RPS6KA5: variants seen among roughly 807,000 people sequenced by gnomAD.
RPS6KA5 encodes ribosomal protein S6 kinase A5.
In RPS6KA5, 27 loss-of-function variants were observed where a neutral mutation model predicts 85.5. The observed-to-expected ratio is 0.32, with a 90% CI of 0.23 to 0.44. The LOEUF is 0.44. RPS6KA5 is among the 20% of genes least tolerant of loss of function. RPS6KA5 has a pLI of 1.00. For synonymous variants in RPS6KA5, 334 were observed against 348.2 expected (o/e 0.96, Z 0.46); for missense variants, 811 against 980.9 (o/e 0.83, Z 2.31).
At chr14:90,880,378 G>T (rs1942751998) in intron 14 of RPS6KA5, among the ~76,000 whole-genome samples, 1 of 152,072 alleles carries the variant, frequency 6.6e-6, no homozygotes, top group Admixed American at 6.6e-5. Flanking sequence ...TACACTATTT[G>T]TCTTTTTGTA....
At chr14:90,977,869 A>G (rs891724241) in intron 3 of RPS6KA5, among the ~76,000 whole-genome samples, 2 of 152,208 alleles carry the variant, frequency 1.3e-5, no homozygotes, top group Admixed American at 6.5e-5. Flanking sequence ...AGGCTGGCCA[A>G]TATGGCAAAA....
intron 3 of RPS6KA5, among the ~76,000 whole-genome samples, chr14:90,976,830 G>C (rs938664056): frequency 1.1e-4 from 17 of 152,112 alleles, no homozygotes; most frequent in Non-Finnish European, 2.4e-4. Flanking sequence ...TGAGCATGAA[G>C]TGTAACATCA....
At chr14:90,934,708 G>T (rs1413772488) in intron 5 of RPS6KA5, among the ~76,000 whole-genome samples, 1 of 151,984 alleles carries the variant, frequency 6.6e-6, no homozygotes, top group Non-Finnish European at 1.5e-5. Context: ...AAAAATTTCT[G>T]CCATAAGAAT....
intron 12 of RPS6KA5, 101 bp from the exon 13 acceptor site, chr14:90,894,684 A>C (rs1566704641): frequency 7.6e-7 from 1 of 1,310,006 alleles, no homozygotes; most frequent in Non-Finnish European, 1.0e-6. Flanking sequence ...ACGTTTAAAT[A>C]ATCCCCTGTT....
intron 3 of RPS6KA5, among the ~76,000 whole-genome samples, chr14:90,953,741 A>ATACG (rs1031693856): frequency 6.6e-6 from 1 of 152,144 alleles, no homozygotes; most frequent in Admixed American, 6.6e-5. Flanking sequence ...AAGGACTGAA[A>ATACG]TACGCCCTGG....
At chr14:90,899,999 G>T in intron 11 of RPS6KA5, 109 bp downstream of exon 11, 1 of 907,026 alleles carries the variant, frequency 1.1e-6, no homozygotes, top group Non-Finnish European at 1.5e-6. Flanking sequence ...TAAACCTTTG[G>T]GTAAGAAAGT....
intron 2 of RPS6KA5, among the ~76,000 whole-genome samples, chr14:90,984,034 G>A (rs2039954119): frequency 6.6e-6 from 1 of 151,854 alleles, no homozygotes; most frequent in African/African-American, 2.4e-5. Context: ...TAGTAGAGAT[G>A]GGGGTTTCAC....
chr14:90,944,520 C>T (rs1448016379), intron 4 of RPS6KA5, among the ~76,000 whole-genome samples: 1 of 152,070 alleles, frequency 6.6e-6, no homozygotes, highest in Non-Finnish European at 1.5e-5. Context: ...TTTTGGGAGG[C>T]CGAGGTGGGC....
At chr14:91,047,304 G>A (rs2042914925) in intron 1 of RPS6KA5, among the ~76,000 whole-genome samples, 1 of 152,190 alleles carries the variant, frequency 6.6e-6, no homozygotes, top group Non-Finnish European at 1.5e-5. Flanking sequence ...ATACTTCTAA[G>A]TGGTGTAGGC....
chr14:91,020,258 C>A (rs1398802556), intron 1 of RPS6KA5, among the ~76,000 whole-genome samples: 2 of 149,466 alleles, frequency 1.3e-5, no homozygotes, highest in Non-Finnish European at 3.0e-5. Flanking sequence ...GGTTCCAAAT[C>A]TGTGAATTCA....
At chr14:91,001,454 T>C (rs1226862619) in intron 1 of RPS6KA5, among the ~76,000 whole-genome samples, 2 of 152,124 alleles carry the variant, frequency 1.3e-5, no homozygotes, top group African/African-American at 4.8e-5. Context: ...CAAAAATAAA[T>C]AAAAATTCTA....
intron 4 of RPS6KA5, among the ~76,000 whole-genome samples, chr14:90,945,966 T>G (rs937518282): frequency 4.6e-5 from 7 of 152,146 alleles, no homozygotes; most frequent in African/African-American, 1.7e-4. Flanking sequence ...ATTGCACCAC[T>G]ACACTGGACT....
At chr14:91,007,489 T>C (rs545978630) in intron 1 of RPS6KA5, among the ~76,000 whole-genome samples, 1 of 152,216 alleles carries the variant, frequency 6.6e-6, no homozygotes, top group African/African-American at 2.4e-5. Flanking sequence ...GCTTAAACCA[T>C]GCTCCTCTCA....
Position 90,861,858 on chromosome 14 carries a change from A to T in RPS6KA5, c.*10216T>A, listed in dbSNP as rs1423233910. 4 of 148,066 alleles carry T rather than the reference A, an allele frequency of 2.7e-5. No homozygotes were observed. Among genetic ancestry groups the T allele is most frequent in the Non-Finnish European group, 5.9e-5 (4 of 67,720 alleles). The allele number at this position is 148,066 out of a possible 1,614,324, so 9.2% of individuals were successfully genotyped here. ...GGTTGCAGTGAGCCAAGATCGTGCCACTGCACTGCAGCCTGGCGACAAAGA... is the reference window on the plus strand; with the variant it reads ...GGTTGCAGTGAGCCAAGATCGTGCCTCTGCACTGCAGCCTGGCGACAAAGA... On this transcript the variant is annotated 3_prime_UTR_variant, in exon 17 of 17. Transcript: ENST00000614987.
At chr14:91,058,682 T>C (rs1334737746) in intron 1 of RPS6KA5, among the ~76,000 whole-genome samples, 1 of 152,134 alleles carries the variant, frequency 6.6e-6, no homozygotes, top group Non-Finnish European at 1.5e-5. Context: ...CTTTTGAAAA[T>C]ATCAGTTGTC....
Position 90,872,100 on chromosome 14 carries a change from A to G in RPS6KA5, c.2383T>C (p.Phe795Leu), listed in dbSNP as rs1324047982. ...TAAGCTACTGAGTCCGAGAACTGGA[A>G]GAGGGTCTCCGGGTTATTGCTGTCG... is the stretch of plus-strand genomic sequence containing the variant. ...PADSNNPETL[F>L]QFSDSVA is the part of the protein sequence containing the mutation. Residue 795 changes from phenylalanine to leucine, a missense_variant, in exon 17 of 17, where the codon TTC (phenylalanine) becomes CTC (leucine). Coordinates refer to ENST00000614987, the MANE Select transcript of RPS6KA5 (RefSeq NM_004755.4). 1.9e-6 allele frequency: 3 copies of G among 1,613,446 alleles called. No homozygotes were observed. Among genetic ancestry groups the G allele is most frequent in the Admixed American group, 1.7e-5 (1 of 59,906 alleles).
chr14:90,945,643 T>C (rs1012625498), intron 4 of RPS6KA5, among the ~76,000 whole-genome samples: 1 of 152,206 alleles, frequency 6.6e-6, no homozygotes, highest in Non-Finnish European at 1.5e-5. Flanking sequence ...TCATTCCATA[T>C]CAATTGCAGT....
chr14:90,873,530 TA>T, intron 16 of RPS6KA5, 101 bp downstream of exon 16: 1 of 1,088,516 alleles, frequency 9.2e-7, no homozygotes, highest in Non-Finnish European at 1.3e-6. Context: ...CATATTATTT[TA>T]AATGTGAAAC....
intron 1 of RPS6KA5, among the ~76,000 whole-genome samples, chr14:91,052,115 G>T (rs961188454): frequency 1.1e-4 from 17 of 151,336 alleles, no homozygotes; most frequent in Non-Finnish European, 5.9e-5. Context: ...CAAATTAGGG[G>T]CTGACTTAGA....
Sources: allele counts gnomAD v4.1 joint callset (sites outside exome capture counted in the v4.1 genomes callset), GRCh38; gene constraint gnomAD v4.1.1; transcripts MANE v1.5; gene names NCBI Gene and HGNC (gene_info 2026-07-23, HGNC 2026-07-21).